Variants in UXS1 observed in about 807,000 individuals in gnomAD.
UXS1 encodes UDP-glucuronate decarboxylase 1, also known as UDP-glucuronic acid decarboxylase 1.
Under a neutral mutation model 62.6 loss-of-function variants are expected in UXS1, and 33 were observed. The ratio of observed to expected loss-of-function variants is 0.53; its 90% confidence interval spans 0.40 to 0.70. The LOEUF (loss-of-function observed/expected upper bound fraction) is 0.70. UXS1 is among the 30% of genes least tolerant of loss of function. UXS1 has a pLI of 0.00. For synonymous variants in UXS1, 213 were observed against 206.8 expected, an observed-to-expected ratio of 1.03 and a Z score of -0.26; for missense variants, 434 against 556.3, an observed-to-expected ratio of 0.78 and a Z score of 2.21.
In UXS1 at chr2:106,122,870, G is replaced by C. The variant is rs531213051; in HGVS notation, c.759+100C>G. The stretch of plus-strand genomic sequence containing the variant: ...TGAGCTTCCCAAACACCTATCCCCA[G>C]ACAAAATCAGTCATGGCATTCATTC... On this transcript the variant is annotated intron_variant, in intron 9 of 14. Transcript: ENST00000283148. The C allele has an allele frequency of 4.0e-6, 6 of 1,500,562 alleles. No homozygotes were observed. The African/African-American group carries it at 6.9e-5, about 17-fold the overall frequency. 93.0% of individuals were successfully genotyped at this position (1,500,562 alleles called of 1,614,324 possible). A position where few individuals can be genotyped will look rare whatever the true frequency, so the allele number is the denominator to read the frequency against.
At chr2:106,138,188 C>A in intron 6 of UXS1, 1 of 985,478 alleles carries the variant, frequency 1.0e-6, no homozygotes, top group Non-Finnish European at 1.2e-6. Context: ...CTTCCCTCCT[C>A]GTCGTCTGCT....
In UXS1 at chr2:106,174,369, G is replaced by A. The variant is rs930745388; in HGVS notation, c.95-8286C>T. Among the ~76,000 whole-genome samples the A allele has an allele frequency of 1.5e-4, 23 of 152,250 alleles. 1 individual carries two copies. The highest frequency in any genetic ancestry group is 5.9e-4 in the Admixed American group (9 of 15,288). ...GCAGCGGTGTGAGAGACAAATGGACGAGGGAGGAGGTGAACAGAGAGTAAA... is the reference window on the plus strand; with the variant it reads ...GCAGCGGTGTGAGAGACAAATGGACAAGGGAGGAGGTGAACAGAGAGTAAA... On this transcript the variant is annotated intron_variant, in intron 1 of 14. Transcript: ENST00000283148.
chr2:106,116,119 G>A (rs1230833097), intron 9 of UXS1, among the ~76,000 whole-genome samples: 5 of 152,184 alleles, frequency 3.3e-5, no homozygotes, highest in Non-Finnish European at 7.3e-5. Flanking sequence ...GGCCTGACAG[G>A]CAAGAGGTGA....
Position 106,094,154 on chromosome 2 carries a change from G to A in UXS1, c.1150C>T (p.Pro384Ser). The change falls in exon 15 of 15, where the codon CCG becomes TCG. Residue 384 changes from proline (P) to serine (S), a missense_variant. Physicochemically the swap from Pro to Ser is moderately conservative, Grantham distance 74. Around this residue, in one of 3 missense-constraint regions of UXS1, gnomAD observed 209 missense variants for 233.3 expected, o/e 0.90. Coordinates refer to ENST00000283148, the MANE Select transcript of UXS1 (RefSeq NM_001253875.2). ...KLMLGWEPVV[P>S]LEEGLNKAIH... ...GCTTTGTTTAAACCTTCCTCCAGCG[G>A]GACCTGTTTAAAGGGAAAGCAAGAA... is the stretch of plus-strand genomic sequence containing the variant. The A allele has an allele frequency of 6.2e-7, 1 of 1,608,974 alleles. No homozygotes were observed. Among genetic ancestry groups the A allele is most frequent in the Non-Finnish European group, 8.5e-7 (1 of 1,178,986 alleles).
chr2:106,130,851 C>CAT (rs926928090), intron 6 of UXS1, among the ~76,000 whole-genome samples: 7 of 152,030 alleles, frequency 4.6e-5, no homozygotes, highest in Admixed American at 6.6e-5. Context: ...GACCTTCATT[C>CAT]ATATATATAT....
rs1675221008 is a variant in UXS1, at chr2:106,112,512, G to A, written c.879+134C>T. 4 of 1,388,380 alleles carry A rather than the reference G, an allele frequency of 2.9e-6. No homozygotes were observed. The Admixed American group carries it at 9.2e-5, about 32-fold the overall frequency. 86.0% of individuals were successfully genotyped at this position (1,388,380 alleles called of 1,614,324 possible). ...TGTCCCCGTGCCTGCCTTCCCCTTA[G>A]TGGAGGGTAGCGGGTATACATGGCA... On this transcript the variant is annotated intron_variant, in intron 10 of 14. Transcript: ENST00000283148.
rs944652326 is a variant in UXS1, at chr2:106,194,297, A to G, written c.-56T>C. ...CCGCGCGGGGGCCCGCCTGCTGCACAATGCGCGGCGGCGGCGGCGGCAGCG... is the reference window on the plus strand; with the variant it reads ...CCGCGCGGGGGCCCGCCTGCTGCACGATGCGCGGCGGCGGCGGCGGCAGCG... On this transcript the variant is annotated 5_prime_UTR_variant, in exon 1 of 15. Transcript: ENST00000283148. 4 of 1,043,326 alleles carry G rather than the reference A, an allele frequency of 3.8e-6. No homozygotes were observed. Among genetic ancestry groups the G allele is most frequent in the South Asian group, 4.3e-5 (1 of 23,356 alleles). The allele number at this position is 1,043,326 out of a possible 1,614,324, so 64.6% of individuals were successfully genotyped here. A position where few individuals can be genotyped will look rare whatever the true frequency, so the allele number is the denominator to read the frequency against.
At chr2:106,178,720 C>T (rs924875280) in intron 1 of UXS1, among the ~76,000 whole-genome samples, 1 of 152,080 alleles carries the variant, frequency 6.6e-6, no homozygotes, top group African/African-American at 2.4e-5. Flanking sequence ...CCCTGCCCCA[C>T]CCTAGTGGAT....
intron 1 of UXS1, among the ~76,000 whole-genome samples, chr2:106,181,490 G>A (rs913890207): frequency 7.9e-5 from 12 of 152,256 alleles, no homozygotes; most frequent in African/African-American, 2.6e-4. Flanking sequence ...AGGTCAAGAC[G>A]GGCAGATCAC....
intron 1 of UXS1, among the ~76,000 whole-genome samples, chr2:106,188,355 A>G (rs149075522): frequency 7.6e-4 from 116 of 152,286 alleles, no homozygotes; most frequent in Admixed American, 2.5e-3. Flanking sequence ...GGAATGGCCC[A>G]TTTATACTTA....
chr2:106,143,305 A>T (rs1016992560), intron 6 of UXS1, among the ~76,000 whole-genome samples: 4 of 145,154 alleles, frequency 2.8e-5, no homozygotes, highest in African/African-American at 7.6e-5. Context: ...GCTACTCAGG[A>T]GGCTGAGGCA....
Position 106,100,962 on chromosome 2 carries a change from C to A in UXS1, c.984+96G>T, listed in dbSNP as rs192441479. ...ACAAACACAAATGTCCTAAGTGTGC[C>A]GATGGCAAATGAAGCAAAGCCTGGT... On this transcript the variant is annotated intron_variant, in intron 12 of 14. Transcript: ENST00000283148. 2.7e-6 allele frequency: 4 copies of A among 1,454,938 alleles called. No homozygotes were observed. The South Asian group carries it at 3.5e-5, about 13-fold the overall frequency. 90.1% of individuals were successfully genotyped at this position (1,454,938 alleles called of 1,614,324 possible). A position where few individuals can be genotyped will look rare whatever the true frequency, so the allele number is the denominator to read the frequency against.
chr2:106,104,978 C>A, intron 10 of UXS1, 141 bp from the exon 11 acceptor site: 1 of 935,412 alleles, frequency 1.1e-6, no homozygotes, highest in Non-Finnish European at 1.7e-6. Context: ...TCTAGCACCA[C>A]ATCCCGCACT....
At chr2:106,171,982 G>A (rs986876325) in intron 1 of UXS1, among the ~76,000 whole-genome samples, 15 of 152,342 alleles carry the variant, frequency 9.8e-5, no homozygotes, top group African/African-American at 2.6e-4. Context: ...CCCTGGCTGC[G>A]GGGTCCTCAT....
chr2:106,191,264 G>A (rs956249306), intron 1 of UXS1, among the ~76,000 whole-genome samples: 4 of 152,160 alleles, frequency 2.6e-5, no homozygotes, highest in South Asian at 2.1e-4. Flanking sequence ...TTTCTGCAAC[G>A]GAGGCTGGCT....
At chr2:106,114,675 CAGCAGACATT>C (rs1329790575) in intron 9 of UXS1, among the ~76,000 whole-genome samples, 1 of 152,222 alleles carries the variant, frequency 6.6e-6, no homozygotes. Flanking sequence ...TCATTAGGAT[CAGCAGACATT>C]AAGTGTCCAA....
rs370024303 is a variant in UXS1, at chr2:106,098,210, AG to A, written c.1042+505del. On this transcript the variant is annotated intron_variant, in intron 13 of 14. Coordinates refer to ENST00000283148, the MANE Select transcript of UXS1 (RefSeq NM_001253875.2). ...CTCATCCACTCTATGTCTGCAATCC[AG>A]GGCTGGTCTGGAAGACCTGACCTTC... 3.9e-3 allele frequency among the ~76,000 whole-genome samples: 594 copies of A among 152,372 alleles called. 3 individuals are homozygous for A. The highest frequency in any genetic ancestry group is 0.013 in the African/African-American group (561 of 41,594).
At chr2:106,109,696 T>C (rs968098749) in intron 10 of UXS1, among the ~76,000 whole-genome samples, 6 of 152,210 alleles carry the variant, frequency 3.9e-5, no homozygotes, top group African/African-American at 1.4e-4. Flanking sequence ...ATAGCTTTGA[T>C]GTATGATGCA....
At chr2:106,155,460 G>A (rs1308899872) in intron 5 of UXS1, among the ~76,000 whole-genome samples, 1 of 152,186 alleles carries the variant, frequency 6.6e-6, no homozygotes, top group Admixed American at 6.5e-5. Context: ...CAAGGCATTC[G>A]CTCAATGACT....
Sources: allele counts gnomAD v4.1 joint callset (sites outside exome capture counted in the v4.1 genomes callset), GRCh38; gene constraint gnomAD v4.1.1; regional missense constraint gnomAD v4.1.1; transcripts MANE v1.5; gene names NCBI Gene and HGNC (gene_info 2026-07-23, HGNC 2026-07-21).